The following MED14 variants were observed in gnomAD, a reference collection of about 807,000 sequenced individuals.
MED14 encodes the protein mediator of RNA polymerase II transcription subunit 14.
MED14 carries 8 observed loss-of-function variants against 109.0 expected under a neutral mutation model. The ratio of observed to expected loss-of-function variants is 0.07; its 90% CI spans 0.04 to 0.13. The LOEUF (loss-of-function observed/expected upper bound fraction) is 0.13, where lower values mean the gene tolerates loss of function less well. MED14 is among the 10% of genes least tolerant of loss of function. The pLI is 1.00. For synonymous variants in MED14, 399 were observed against 408.7 expected (o/e 0.98, Z 0.29); for missense variants, 711 against 1,142.4 (o/e 0.62, Z 5.44).
chrX:40,666,687 T>C, intron 24 of MED14, 33 bp downstream of exon 24: 1 of 1,199,047 alleles, frequency 8.3e-7, no homozygotes, highest in African/African-American at 1.7e-5. Flanking sequence ...CATCAAGCTC[T>C]TATGCTATAT....
At chrX:40,707,142 T>TAGAC (rs760149342) in intron 10 of MED14, among the ~76,000 whole-genome samples, 77 of 110,241 alleles carry the variant, frequency 7.0e-4, no homozygotes, top group Admixed American at 2.8e-3. Context: ...GATAGATAGA[T>TAGAC]AGATAGATAG....
At chrX:40,680,158 G>A (rs1569285007) in intron 20 of MED14, 25 bp from the exon 21 acceptor site, 1 of 1,194,967 alleles carries the variant, frequency 8.4e-7, no homozygotes, top group Non-Finnish European at 1.1e-6. Flanking sequence ...CACAGTGAGA[G>A]CAGCCAGTTT....
chrX:40,724,016 T>C (rs1242021531), intron 3 of MED14, among the ~76,000 whole-genome samples: 5 of 111,839 alleles, frequency 4.5e-5, no homozygotes, highest in Admixed American at 3.8e-4. Flanking sequence ...AAGATTTATA[T>C]GTCAACAGAA....
At chrX:40,713,667 T>C in intron 5 of MED14, 111 bp downstream of exon 5, 1 of 851,289 alleles carries the variant, frequency 1.2e-6, no homozygotes, top group African/African-American at 2.1e-5. Context: ...GGTCTCAAAC[T>C]CCTGACCTCA....
intron 15 of MED14, among the ~76,000 whole-genome samples, chrX:40,690,465 G>C (rs1930457538): frequency 9.0e-6 from 1 of 111,037 alleles, no homozygotes; most frequent in African/African-American, 3.3e-5. Context: ...TGTCACCCAG[G>C]CTGGAGTGGC....
chrX:40,700,130 GA>G (rs1173917244), intron 12 of MED14, among the ~76,000 whole-genome samples: 1 of 109,877 alleles, frequency 9.1e-6, no homozygotes, highest in Non-Finnish European at 1.9e-5. Context: ...GCCCGGGCAA[GA>G]GAGTGAGACT....
At chrX:40,701,386 C>A in intron 11 of MED14, 143 bp from the exon 12 acceptor site, 1 of 413,784 alleles carries the variant, frequency 2.4e-6, no homozygotes, top group Non-Finnish European at 4.2e-6. Flanking sequence ...AAAAATTAAA[C>A]TAAATGTACC....
Position 40,729,736 on chromosome X carries a change from C to T in MED14, c.216-391G>A, listed in dbSNP as rs779365708. 1.7e-4 allele frequency among the ~76,000 whole-genome samples: 19 copies of T among 111,894 alleles called. No individual in the cohort carries two copies. In the South Asian group the frequency reaches 5.9e-3, roughly 35 times the overall value. ...CAGCCTCCCTGTATCCAATGGATACCTGTTTCCAAGCAATAATCCCTCCAC... is the reference window on the plus strand; with the variant it reads ...CAGCCTCCCTGTATCCAATGGATACTTGTTTCCAAGCAATAATCCCTCCAC... On this transcript the variant is annotated intron_variant, in intron 1 of 30. Coordinates refer to ENST00000324817, the MANE Select transcript of MED14 (RefSeq NM_004229.4).
chrX:40,665,826 T>C (rs1929458857), intron 24 of MED14, among the ~76,000 whole-genome samples: 1 of 111,910 alleles, frequency 8.9e-6, no homozygotes, highest in African/African-American at 3.3e-5. Context: ...CTTAAGGAAA[T>C]AATCATGGAT....
intron 15 of MED14, among the ~76,000 whole-genome samples, chrX:40,690,716 A>C (rs5918028): frequency 0.24 from 26,825 of 110,565 alleles, 2,644 homozygotes; most frequent in African/African-American, 0.38. Context: ...TGCCCGGCCC[A>C]CTGCCTGTTT....
At chrX:40,707,111 A>G (rs1010583111) in intron 10 of MED14, among the ~76,000 whole-genome samples, 5 of 79,026 alleles carry the variant, frequency 6.3e-5, no homozygotes, top group East Asian at 6.2e-4. Context: ...ATAGATGGAT[A>G]GATAGATAGA....
intron 2 of MED14, 107 bp downstream of exon 2, chrX:40,729,212 T>C (rs765862309): frequency 2.8e-6 from 2 of 715,883 alleles, no homozygotes; most frequent in South Asian, 5.6e-5. Flanking sequence ...CTAGACTCTT[T>C]GGGCCTAGGT....
At chrX:40,706,061 G>A (rs1931128317) in intron 10 of MED14, among the ~76,000 whole-genome samples, 2 of 111,142 alleles carry the variant, frequency 1.8e-5, no homozygotes, top group South Asian at 7.5e-4. Flanking sequence ...CACTCTCTGA[G>A]CTACTCATTT....
At chrX:40,687,632 A>G (rs781690902) in intron 16 of MED14, among the ~76,000 whole-genome samples, 2 of 111,296 alleles carry the variant, frequency 1.8e-5, no homozygotes, top group South Asian at 7.5e-4. Flanking sequence ...CAAAAATGCC[A>G]AGCTCTCTCT....
intron 26 of MED14, 92 bp downstream of exon 26, chrX:40,662,833 G>T: frequency 1.6e-6 from 1 of 623,359 alleles, no homozygotes; most frequent in Non-Finnish European, 2.5e-6. Context: ...GAAGGTGAAG[G>T]AATGTCACGT....
In MED14 at chrX:40,712,974, G is replaced by C; in HGVS notation, c.721C>G (p.Pro241Ala). 1 of 1,189,852 alleles carries C rather than the reference G, an allele frequency of 8.4e-7. No homozygotes were observed. The change falls in exon 6 of 31, where the codon CCT becomes GCT. Residue 241 changes from proline to alanine, a missense_variant. This residue lies in a region of MED14 where 388 missense variants were observed against 517.3 expected (regional missense o/e 0.75). Coordinates refer to ENST00000324817, the MANE Select transcript of MED14 (RefSeq NM_004229.4). Reference sequence around the variant, plus strand: ...TTGAGAAGACGCCATGGAACATCAGGGTCATCTCCCATCACAGTCAAGGTG... The same window carrying C: ...TTGAGAAGACGCCATGGAACATCAGCGTCATCTCCCATCACAGTCAAGGTG... ...EATLTVMGDD[P>A]DVPWRLLKLE... is the part of the protein sequence containing the mutation.
chrX:40,712,345 T>C (rs1213076227), intron 6 of MED14, 52 bp from the exon 7 acceptor site: 1 of 851,466 alleles, frequency 1.2e-6, no homozygotes, highest in Non-Finnish European at 1.7e-6. Flanking sequence ...TGTACAAGTG[T>C]GTCACTATAC....
intron 2 of MED14, 95 bp from the exon 3 acceptor site, chrX:40,726,946 A>C: frequency 1.3e-6 from 1 of 746,412 alleles, no homozygotes; most frequent in East Asian, 3.6e-5. Context: ...TAAATAAATC[A>C]GCCTTTGCTT....
chrX:40,726,890 G>A, intron 2 of MED14, 39 bp from the exon 3 acceptor site: 1 of 1,029,904 alleles, frequency 9.7e-7, no homozygotes, highest in Non-Finnish European at 1.3e-6. Context: ...CAACATATTA[G>A]AAACAGTATT....
Sources: gnomAD v4.1 joint callset for allele counts (sites outside exome capture counted in the v4.1 genomes callset) on GRCh38, gnomAD v4.1.1 for gene constraint, gnomAD v4.1.1 regional missense constraint, MANE v1.5 for transcripts, NCBI Gene and HGNC (gene_info 2026-07-23, HGNC 2026-07-21) for gene names.